CALU: variants seen among roughly 807,000 people sequenced by gnomAD.
CALU encodes calumenin, also known as IEF SSP 9302.
Under a neutral mutation model 37.5 loss-of-function variants are expected in CALU, and 13 were observed. The ratio of observed to expected loss-of-function variants is 0.35; its 90% confidence interval spans 0.23 to 0.55. The LOEUF (loss-of-function observed/expected upper bound fraction) is 0.55, where lower values mean the gene tolerates loss of function less well. Ranked by LOEUF, CALU falls within the 20% of genes least tolerant of loss-of-function variation. CALU has a pLI of 0.89. For missense variants in CALU, 282 were observed against 391.7 expected (o/e 0.72, Z 2.36); for synonymous variants, 114 against 133.8 (o/e 0.85, Z 1.02).
intron 1 of CALU, 160 bp from the exon 2 acceptor site, chr7:128,748,413 A>G (rs1460675194): frequency 5.1e-6 from 7 of 1,378,666 alleles, no homozygotes; most frequent in East Asian, 2.5e-5. Flanking sequence ...ATATTCCACC[A>G]TACTTATTTT....
Position 128,743,149 on chromosome 7 carries a change from G to C in CALU, c.-12+3717G>C, listed in dbSNP as rs560129442. On this transcript the variant is annotated intron_variant, in intron 1 of 6. Coordinates refer to ENST00000249364, the MANE Select transcript of CALU (RefSeq NM_001219.5). ...AGTGGCTACTGTACTGGGCAGTACA[G>C]GCCTAGATTTTTTTTTTTTCCCAAG... is the stretch of plus-strand genomic sequence containing the variant. Among the ~76,000 whole-genome samples the C allele has an allele frequency of 3.4e-4, 52 of 152,036 alleles. No individual in the cohort carries two copies. In the East Asian group the frequency reaches 7.7e-3, roughly 23 times the overall value.
In CALU at chr7:128,769,178, A is replaced by AAGG. The variant is rs748650579; in HGVS notation, c.*12_*13insGGA. ...CATGATGAGTTCTGAGCTACGGAGG[A>AAGG]ACCCTCATTTCCTCAAAAGTAATTT... On this transcript the variant is annotated 3_prime_UTR_variant, in exon 7 of 7. Transcript: ENST00000249364. 1.2e-5 allele frequency: 17 copies of AAGG among 1,368,100 alleles called. No individual in the cohort carries two copies. The South Asian group carries it at 2.1e-4, about 17-fold the overall frequency. 84.7% of individuals were successfully genotyped at this position (1,368,100 alleles called of 1,614,324 possible).
At chr7:128,743,164 T>C (rs1800304628) in intron 1 of CALU, among the ~76,000 whole-genome samples, 1 of 152,132 alleles carries the variant, frequency 6.6e-6, no homozygotes, top group Non-Finnish European at 1.5e-5. Flanking sequence ...AGATTTTTTT[T>C]TTTTCCCAAG....
rs1174393461 is a variant in CALU, at chr7:128,748,616, C to G, written c.33C>G (p.Ser11=). The change falls in exon 2 of 7, where the codon TCC becomes TCG. Residue 11 remains serine (S), a synonymous_variant. Coordinates refer to ENST00000249364, the MANE Select transcript of CALU (RefSeq NM_001219.5). ...TGCGACAGTTTCTTATGTGCCTGTC[C>G]CTGTGCACAGCCTTTGCCTTGAGCA... MDLRQFLMCL[S]LCTAFALSKP... is the part of the protein sequence containing the mutation. The G allele has an allele frequency of 6.2e-7, 1 of 1,613,974 alleles. No individual in the cohort carries two copies. Among genetic ancestry groups the G allele is most frequent in the Non-Finnish European group, 8.5e-7 (1 of 1,179,910 alleles).
intron 5 of CALU, among the ~76,000 whole-genome samples, chr7:128,760,433 AGTT>A (rs1218507556): frequency 6.6e-6 from 1 of 152,196 alleles, no homozygotes; most frequent in Non-Finnish European, 1.5e-5. Flanking sequence ...AAATTTCAGT[AGTT>A]ATTTAACCTA....
chr7:128,754,198 C>G, intron 2 of CALU, 64 bp from the exon 3 acceptor site: 1 of 1,301,110 alleles, frequency 7.7e-7, no homozygotes, highest in Non-Finnish European at 1.1e-6. Context: ...GGGCACACAC[C>G]TGGCTAAGTC....
rs1053521397 is a variant in CALU at position 128,764,965 on chromosome 7, A to C, written c.644-2491A>C. ...AGACAAGAGTCTCATTCTGTTGCCC[A>C]TGTTGGTGTGCAGTGGCACAATCAC... is the stretch of plus-strand genomic sequence containing the variant. On this transcript the variant is annotated intron_variant, in intron 5 of 6. Transcript: ENST00000249364. 4.6e-5 allele frequency among the ~76,000 whole-genome samples: 7 copies of C among 152,268 alleles called. No individual in the cohort carries two copies. The South Asian group carries it at 1.5e-3, about 32-fold the overall frequency.
At position 128,772,870 on chromosome 7, in the gene CALU, T is replaced by C. The variant is rs1240540694; in HGVS notation, c.*3703T>C. ...CTACGGTAATCCTAAACTGGTCAAG[T>C]CTGAGACCTCACTGTTGGTAAATTC... is the stretch of plus-strand genomic sequence containing the variant. On this transcript the variant is annotated 3_prime_UTR_variant, in exon 7 of 7. Coordinates refer to ENST00000249364, the MANE Select transcript of CALU (RefSeq NM_001219.5). Among the ~76,000 whole-genome samples the C allele has an allele frequency of 6.6e-6, 1 of 152,174 alleles. No homozygotes were observed. The highest frequency in any genetic ancestry group is 2.4e-5 in the African/African-American group (1 of 41,436).
At chr7:128,761,858 G>A (rs537930247) in intron 5 of CALU, among the ~76,000 whole-genome samples, 1 of 152,276 alleles carries the variant, frequency 6.6e-6, no homozygotes, top group South Asian at 2.1e-4. Context: ...TCATTAAACT[G>A]TATGGAGCAA....
rs893006675 is a variant in CALU at position 128,739,983 on chromosome 7, A to ATT, written c.-12+554_-12+555dup. 2.6e-5 allele frequency among the ~76,000 whole-genome samples: 4 copies of ATT among 152,168 alleles called. 1 individual carries two copies. Among genetic ancestry groups the ATT allele is most frequent in the Admixed American group, 2.0e-4 (3 of 15,280 alleles). ...GTGACGACACTAGGTGATATCTATG[A>ATT]TTTTAAAGAAAAGCTGAATGTTTAG... On this transcript the variant is annotated intron_variant, in intron 1 of 6. Transcript: ENST00000249364.
rs991143850 is a variant in CALU, at chr7:128,772,960, C to T, written c.*3793C>T. Among the ~76,000 whole-genome samples the T allele has an allele frequency of 6.6e-6, 1 of 152,190 alleles. No individual in the cohort carries two copies. Among genetic ancestry groups the T allele is most frequent in the African/African-American group, 2.4e-5 (1 of 41,448 alleles). ...CCCCTCCATTACTAGCAGGTGCTCC[C>T]AGCTGGAAAGGACTGCCAATTCTCT... On this transcript the variant is annotated 3_prime_UTR_variant, in exon 7 of 7. Transcript: ENST00000249364.
chr7:128,757,358 A>AGTGTGT (rs10638444), intron 3 of CALU, among the ~76,000 whole-genome samples: 11,183 of 146,092 alleles, frequency 0.077, 510 homozygotes, highest in African/African-American at 0.13. Context: ...TATGGCTTTG[A>AGTGTGT]GTGTGTGTGT....
At chr7:128,761,222 T>C (rs751234694) in intron 5 of CALU, 4 of 151,836 alleles carry the variant, frequency 2.6e-5, no homozygotes, top group Non-Finnish European at 5.9e-5. Flanking sequence ...TTTATTATCA[T>C]CAGACTAATT....
rs746633993 is a variant in CALU at position 128,759,839 on chromosome 7, A to G, written c.630A>G (p.Leu210=). Residue 210 remains leucine (L), a synonymous_variant, in exon 5 of 7, where the codon CTA becomes CTG. Coordinates refer to ENST00000249364, the MANE Select transcript of CALU (RefSeq NM_001219.5). ...AGAATGCTGATGGTTTCATTGATCT[A>G]GAAGAGTATATTGGTAAGTCTCTGC... ...IDKNADGFID[L]EEYIGDMYSH... 2.3e-5 allele frequency: 32 copies of G among 1,375,198 alleles called. No individual in the cohort carries two copies. The highest frequency in any genetic ancestry group is 3.0e-5 in the Non-Finnish European group (29 of 962,858). The allele number at this position is 1,375,198 out of a possible 1,614,324, so 85.2% of individuals were successfully genotyped here. A position where few individuals can be genotyped will look rare whatever the true frequency, so the allele number is the denominator to read the frequency against.
chr7:128,763,485 C>A (rs1168340301), intron 5 of CALU, among the ~76,000 whole-genome samples: 1 of 151,974 alleles, frequency 6.6e-6, no homozygotes, highest in East Asian at 1.9e-4. Context: ...GAGCCGAGAT[C>A]GCGCCACTGC....
At chr7:128,744,322 G>T (rs1467400531) in intron 1 of CALU, among the ~76,000 whole-genome samples, 1 of 151,984 alleles carries the variant, frequency 6.6e-6, no homozygotes, top group African/African-American at 2.4e-5. Context: ...GATGTCCTTT[G>T]TTTCTGCTTG....
chr7:128,746,136 A>G (rs1229620763), intron 1 of CALU, among the ~76,000 whole-genome samples: 1 of 149,650 alleles, frequency 6.7e-6, no homozygotes, highest in East Asian at 1.9e-4. Context: ...ATTTCACTGC[A>G]GATAGATGCA....
At chr7:128,754,149 TG>T in intron 2 of CALU, 112 bp from the exon 3 acceptor site, 1 of 777,562 alleles carries the variant, frequency 1.3e-6, no homozygotes, top group Middle Eastern at 2.7e-4. Flanking sequence ...CTGGCAGTTT[TG>T]TTTTGGAGAC....
At chr7:128,753,268 C>G (rs1256862537) in intron 2 of CALU, among the ~76,000 whole-genome samples, 1 of 152,238 alleles carries the variant, frequency 6.6e-6, no homozygotes, top group Non-Finnish European at 1.5e-5. Context: ...GAGCATAGGA[C>G]TATACCAAGA....
Sources: gnomAD v4.1 joint callset for allele counts (sites outside exome capture counted in the v4.1 genomes callset) on GRCh38, gnomAD v4.1.1 for gene constraint, MANE v1.5 for transcripts, NCBI Gene and HGNC (gene_info 2026-07-23, HGNC 2026-07-21) for gene names.